Variants in SPECC1L observed in about 807,000 individuals in gnomAD.
The protein encoded by SPECC1L is sperm antigen with calponin homology and coiled-coil domains 1 like, also known as cytospin-A.
SPECC1L carries 40 observed loss-of-function variants against 116.8 expected under a neutral mutation model. The observed-to-expected ratio is 0.34, with a 90% CI of 0.27 to 0.45. The LOEUF is 0.45. Ranked by LOEUF, SPECC1L falls within the 20% of genes least tolerant of loss-of-function variation. SPECC1L has a pLI of 1.00. For missense variants in SPECC1L, 1,110 were observed against 1,373.6 expected (o/e 0.81, Z 3.03); for synonymous variants, 504 against 500.6 (o/e 1.01, Z -0.09).
At chr22:24,279,345 T>C (rs2048897284) in intron 2 of SPECC1L, among the ~76,000 whole-genome samples, 1 of 152,204 alleles carries the variant, frequency 6.6e-6, no homozygotes, top group Admixed American at 6.5e-5. Context: ...AAGTATGCAG[T>C]TCAACGTTTC....
At chr22:24,276,336 G>A (rs1414010114) in intron 1 of SPECC1L, among the ~76,000 whole-genome samples, 2 of 152,204 alleles carry the variant, frequency 1.3e-5, no homozygotes, top group Non-Finnish European at 2.9e-5. Context: ...AGAGGCTGAG[G>A]CAGGGGGATC....
At chr22:24,282,259 T>C (rs553114954) in intron 2 of SPECC1L, among the ~76,000 whole-genome samples, 3 of 152,376 alleles carry the variant, frequency 2.0e-5, no homozygotes, top group East Asian at 1.9e-4. Context: ...GCGTGACTCC[T>C]AAACCATAAT....
At chr22:24,386,884 G>A (rs1175845277) in intron 14 of SPECC1L, among the ~76,000 whole-genome samples, 6 of 151,930 alleles carry the variant, frequency 3.9e-5, no homozygotes, top group African/African-American at 7.2e-5. Flanking sequence ...GATTACAGGC[G>A]TGAGCCACTG....
At chr22:24,274,480 C>T (rs1222592025) in intron 1 of SPECC1L, among the ~76,000 whole-genome samples, 4 of 152,206 alleles carry the variant, frequency 2.6e-5, no homozygotes, top group Admixed American at 1.3e-4. Context: ...ATATCTACTT[C>T]TTCAGAATAG....
intron 14 of SPECC1L, among the ~76,000 whole-genome samples, chr22:24,390,860 T>TTTTTTC: frequency 1.7e-5 from 2 of 118,638 alleles, no homozygotes; most frequent in African/African-American, 6.9e-5. Context: ...TCCTTTTTTT[T>TTTTTTC]TTTTTTCTTT....
intron 2 of SPECC1L, among the ~76,000 whole-genome samples, chr22:24,284,206 G>A (rs1208559981): frequency 6.6e-6 from 1 of 152,018 alleles, no homozygotes; most frequent in Non-Finnish European, 1.5e-5. Context: ...GGTGTTTAGT[G>A]TTATAAATTT....
In SPECC1L at chr22:24,322,656, C is replaced by G; in HGVS notation, c.1676C>G (p.Ala559Gly). The change falls in exon 5 of 17, where the codon GCA becomes GGA. Residue 559 changes from alanine (A) to glycine (G), a missense_variant. By Grantham distance (60) the Ala-to-Gly change is moderately conservative. Coordinates refer to ENST00000314328, the MANE Select transcript of SPECC1L (RefSeq NM_015330.6). ...GAGCAGAAAGGAAAAGCAGCCTTGG[C>G]AGCCACGTTAGAGGAATACAAAGCC... ...ESEQKGKAALAATLEEYKATV... is the reference protein window; with the variant it reads ...ESEQKGKAALGATLEEYKATV... 6.2e-7 allele frequency: 1 copy of G among 1,613,570 alleles called. No homozygotes were observed.
intron 10 of SPECC1L, among the ~76,000 whole-genome samples, chr22:24,343,923 C>T (rs572566782): frequency 6.6e-6 from 1 of 152,196 alleles, no homozygotes; most frequent in South Asian, 2.1e-4. Context: ...ACTATCTTTA[C>T]AACTTCCTGG....
intron 2 of SPECC1L, among the ~76,000 whole-genome samples, chr22:24,294,598 G>A (rs965778269): frequency 6.6e-6 from 1 of 151,726 alleles, no homozygotes; most frequent in African/African-American, 2.4e-5. Context: ...GGCTAGGCTG[G>A]TCTCAAACTT....
intron 14 of SPECC1L, among the ~76,000 whole-genome samples, chr22:24,389,518 GTTT>G (rs758077260): frequency 7.2e-6 from 1 of 138,878 alleles, no homozygotes. Flanking sequence ...GGGCTTTCGG[GTTT>G]TTTTTTTTTT....
At chr22:24,397,875 G>T (rs904637754) in intron 14 of SPECC1L, among the ~76,000 whole-genome samples, 10 of 152,110 alleles carry the variant, frequency 6.6e-5, no homozygotes, top group African/African-American at 2.4e-4. Context: ...ACCTTTGTTT[G>T]CCTGAAGAGT....
At chr22:24,359,572 C>T (rs1285380721) in intron 11 of SPECC1L, among the ~76,000 whole-genome samples, 2 of 152,036 alleles carry the variant, frequency 1.3e-5, no homozygotes, top group Admixed American at 6.6e-5. Flanking sequence ...CTCACATTGG[C>T]TCCCCTTTGC....
chr22:24,275,540 T>C (rs2048820250), intron 1 of SPECC1L, among the ~76,000 whole-genome samples: 1 of 150,878 alleles, frequency 6.6e-6, no homozygotes, highest in Non-Finnish European at 1.5e-5. Context: ...TTTTCTCTTG[T>C]ACACCTTTCA....
chr22:24,308,409 G>GT (rs2049544984), intron 3 of SPECC1L, among the ~76,000 whole-genome samples: 1 of 152,226 alleles, frequency 6.6e-6, no homozygotes. Context: ...GCGAAAGGCA[G>GT]TTATTTGATA....
At chr22:24,297,325 T>A (rs4050298) in intron 2 of SPECC1L, among the ~76,000 whole-genome samples, 27 of 151,924 alleles carry the variant, frequency 1.8e-4, no homozygotes, top group African/African-American at 5.3e-4. Flanking sequence ...AGGGTTTTTT[T>A]AAATGTAATT....
chr22:24,284,103 C>A (rs980486030), intron 2 of SPECC1L, among the ~76,000 whole-genome samples: 1 of 152,008 alleles, frequency 6.6e-6, no homozygotes, highest in South Asian at 2.1e-4. Flanking sequence ...GATGTTTATT[C>A]TTTTCTTCTC....
intron 3 of SPECC1L, among the ~76,000 whole-genome samples, chr22:24,310,577 G>C (rs2040442935): frequency 1.3e-5 from 2 of 152,066 alleles, no homozygotes; most frequent in Non-Finnish European, 2.9e-5. Context: ...CTCTCATTAT[G>C]AGTTAGGTTG....
At chr22:24,295,707 T>C (rs1293188235) in intron 2 of SPECC1L, among the ~76,000 whole-genome samples, 4 of 152,074 alleles carry the variant, frequency 2.6e-5, no homozygotes, top group Non-Finnish European at 4.4e-5. Flanking sequence ...ATCTCAGCAC[T>C]TTGGGAGGCC....
chr22:24,273,510 T>C (rs1388274889), intron 1 of SPECC1L, among the ~76,000 whole-genome samples: 2 of 152,206 alleles, frequency 1.3e-5, no homozygotes, highest in African/African-American at 4.8e-5. Flanking sequence ...AGGGTAGTTA[T>C]TGTGATTTTT....
Sources: gnomAD v4.1 joint callset for allele counts (sites outside exome capture counted in the v4.1 genomes callset) on GRCh38, gnomAD v4.1.1 for gene constraint, MANE v1.5 for transcripts, NCBI Gene and HGNC (gene_info 2026-07-23, HGNC 2026-07-21) for gene names.